EPHB4: variants seen among roughly 807,000 people sequenced by gnomAD.
The protein encoded by EPHB4 is ephrin type-B receptor 4.
A neutral mutation model predicts 110.6 loss-of-function variants in EPHB4; 50 were observed. The observed-to-expected ratio is 0.45, with a 90% CI of 0.36 to 0.57. EPHB4 has a LOEUF of 0.57. Among genes scored for constraint, EPHB4 ranks in the 20% least tolerant of loss-of-function variants. EPHB4 has a pLI of 0.00. For missense variants in EPHB4, 1,128 were observed against 1,382.1 expected (o/e 0.82, Z 2.91); for synonymous variants, 592 against 578.4 (o/e 1.02, Z -0.34).
chr7:100,824,505 C>G (rs1486967374), intron 1 of EPHB4: 5 of 547,274 alleles, frequency 9.1e-6, no homozygotes, highest in Non-Finnish European at 1.6e-5. Flanking sequence ...TTGGGATACC[C>G]CAGATCTAGG....
intron 8 of EPHB4, among the ~76,000 whole-genome samples, chr7:100,815,538 G>A (rs1274451489): frequency 6.6e-6 from 1 of 152,138 alleles, no homozygotes; most frequent in Non-Finnish European, 1.5e-5. Flanking sequence ...TCTTTTGAGG[G>A]TGCTGAAAAT....
Position 100,819,896 on chromosome 7 carries a change from G to T in EPHB4, c.965-7C>A. The T allele has an allele frequency of 1.9e-6, 3 of 1,539,642 alleles. No individual in the cohort carries two copies. The highest frequency in any genetic ancestry group is 1.2e-5 in the South Asian group (1 of 83,714). On this transcript the variant is annotated splice_region_variant and splice_polypyrimidine_tract_variant and intron_variant, in intron 5 of 16. Transcript: ENST00000358173. ...CGCGGAGCCGAAGGAGGGGCTGCAG[G>T]AGACCAGGGAGTCAGGCAGAGGCCG...
At position 100,812,937 on chromosome 7, in the gene EPHB4, C is replaced by T. The variant is rs1297240377; in HGVS notation, c.1928G>A (p.Cys643Tyr). The change falls in exon 12 of 17, where the codon TGT becomes TAT. Residue 643 changes from cysteine to tyrosine, a missense_variant. Coordinates refer to ENST00000358173, the MANE Select transcript of EPHB4 (RefSeq NM_004444.5). Reference protein sequence around the residue: ...RLKAPGKKESCVAIKTLKGGY... With the variant: ...RLKAPGKKESYVAIKTLKGGY... ...ACCCTTCAGGGTCTTGATTGCCACA[C>T]AGCTCTCCTTCTTCCCTGGGGCCTT... 4 of 1,614,110 alleles carry T rather than the reference C, an allele frequency of 2.5e-6. No homozygotes were observed. Among genetic ancestry groups the T allele is most frequent in the Non-Finnish European group, 3.4e-6 (4 of 1,180,054 alleles).
chr7:100,805,067 G>A, intron 16 of EPHB4, 99 bp downstream of exon 16: 1 of 1,420,502 alleles, frequency 7.0e-7, no homozygotes, highest in Admixed American at 2.3e-5. Flanking sequence ...AGACAGCATT[G>A]GCACCCGAAG....
At chr7:100,808,855 C>T (rs998960464) in intron 12 of EPHB4, among the ~76,000 whole-genome samples, 2 of 152,192 alleles carry the variant, frequency 1.3e-5, no homozygotes, top group African/African-American at 4.8e-5. Context: ...CCCTACTCCC[C>T]GCTCAGTTTG....
chr7:100,817,749 C>T lies in EPHB4; in HGVS notation c.1423-392G>A, dbSNP rs113924161. Among the ~76,000 whole-genome samples, 758 of 151,754 alleles carry T rather than the reference C, an allele frequency of 5.0e-3. 3 individuals are homozygous for T. The highest frequency in any genetic ancestry group is 0.017 in the African/African-American group (707 of 41,356). ...TTCACCTTGTTGGCCAGGCTGGTCT[C>T]GAACTCTTCACCCCAGGTGTTCTAC... On this transcript the variant is annotated intron_variant, in intron 7 of 16. Transcript: ENST00000358173.
intron 8 of EPHB4, 148 bp from the exon 9 acceptor site, chr7:100,814,169 C>G: frequency 2.5e-6 from 2 of 800,024 alleles, no homozygotes; most frequent in Non-Finnish European, 3.9e-6. Flanking sequence ...CAGGCAAGGT[C>G]AGGGAACAAA....
Position 100,803,471 on chromosome 7 carries a change from G to C in EPHB4, c.2954C>G (p.Pro985Arg). The change falls in exon 17 of 17, where the codon CCG becomes CGG. Residue 985 changes from proline (P) to arginine (R), a missense_variant. This residue lies in a region of EPHB4 where 209 missense variants were observed against 240.5 expected (regional missense o/e 0.87). Transcript: ENST00000358173. ...GGGAGTTCCTGCAGGTCAGTACTGC[G>C]GGGCCGGTCCTCCTGTCCCACCCGG... ...GTPGGTGGPA[P>R]QY The C allele has an allele frequency of 6.4e-7, 1 of 1,574,058 alleles. No individual in the cohort carries two copies. The highest frequency in any genetic ancestry group is 8.6e-7 in the Non-Finnish European group (1 of 1,156,856).
intron 12 of EPHB4, among the ~76,000 whole-genome samples, chr7:100,807,882 G>A (rs966030663): frequency 1.3e-5 from 2 of 152,066 alleles, no homozygotes; most frequent in African/African-American, 2.4e-5. Flanking sequence ...TTCCGCCTGG[G>A]TCTCCCAAAG....
intron 10 of EPHB4, 61 bp downstream of exon 10, chr7:100,813,591 T>C (rs1812997762): frequency 3.8e-6 from 6 of 1,585,676 alleles, no homozygotes; most frequent in Middle Eastern, 1.7e-4. Context: ...GCTGGGATTA[T>C]AGATAGGAGC....
chr7:100,804,203 T>G (rs314349), intron 16 of EPHB4, among the ~76,000 whole-genome samples: 51,949 of 151,266 alleles, frequency 0.34, 9,213 homozygotes, highest in Middle Eastern at 0.41. Context: ...GTTTTGCTAT[T>G]TTGGCCAGGC....
chr7:100,806,182 ACTC>A (rs1812813951), intron 14 of EPHB4: 2 of 341,952 alleles, frequency 5.8e-6, no homozygotes, highest in Non-Finnish European at 1.0e-5. Flanking sequence ...CTGGTCTTGA[ACTC>A]CTAACCTTAG....
rs2116446928 is a variant in EPHB4, at chr7:100,818,456, G to C, written c.1422+64C>G. 3.2e-6 allele frequency: 5 copies of C among 1,579,710 alleles called. No individual in the cohort carries two copies. The South Asian group carries it at 5.7e-5, about 18-fold the overall frequency. On this transcript the variant is annotated intron_variant, in intron 7 of 16. Coordinates refer to ENST00000358173, the MANE Select transcript of EPHB4 (RefSeq NM_004444.5). ...ATGCCTGCCAGGTGCCTGCAACCCA[G>C]GTGTCCCAGCCAGGAGAGCACAACC...
Position 100,817,266 on chromosome 7 carries a change from A to G in EPHB4, c.1514T>C (p.Val505Ala). The G allele has an allele frequency of 6.2e-7, 1 of 1,606,484 alleles. No homozygotes were observed. The highest frequency in any genetic ancestry group is 8.5e-7 in the Non-Finnish European group (1 of 1,177,338). Residue 505 changes from valine (V) to alanine (A), a missense_variant, in exon 8 of 17, where the codon GTG (valine) becomes GCG (alanine). Val to Ala is a moderately conservative substitution (Grantham distance 64). Around this residue, in one of 3 missense-constraint regions of EPHB4, gnomAD observed 728 missense variants for 828.6 expected, o/e 0.88. Coordinates refer to ENST00000358173, the MANE Select transcript of EPHB4 (RefSeq NM_004444.5). ...GGCCTCAGAGCGCGCCCGTACCTGC[A>G]CCAGGTAGCTGGCTCCCCGCTTCAG... The part of the protein sequence containing the change: ...RGLKRGASYL[V>A]QVRARSEAGY...
At chr7:100,806,683 C>T (rs150013519) in intron 13 of EPHB4, 114 bp from the exon 14 acceptor site, 136 of 1,258,954 alleles carry the variant, frequency 1.1e-4, no homozygotes, top group Middle Eastern at 4.8e-4. Context: ...AGCTCAGGCC[C>T]CAAGCCTCCT....
At chr7:100,815,978 C>A (rs1366063828) in intron 8 of EPHB4, among the ~76,000 whole-genome samples, 3 of 150,132 alleles carry the variant, frequency 2.0e-5, no homozygotes, top group African/African-American at 4.9e-5. Flanking sequence ...ATAAAAAAGA[C>A]CGTGTCTCTT....
At chr7:100,821,083 C>T (rs1315796125) in intron 4 of EPHB4, 2 of 149,810 alleles carry the variant, frequency 1.3e-5, no homozygotes, top group African/African-American at 2.5e-5. Flanking sequence ...GCTGAGATCC[C>T]ACCACTGCAC....
intron 1 of EPHB4, chr7:100,824,517 C>T (rs1281627474): frequency 1.9e-6 from 1 of 524,714 alleles, no homozygotes; most frequent in Non-Finnish European, 3.4e-6. Flanking sequence ...AGATCTAGGC[C>T]TCCCTGGAGG....
intron 15 of EPHB4, 70 bp from the exon 16 acceptor site, chr7:100,805,391 C>T: frequency 6.2e-7 from 1 of 1,600,444 alleles, no homozygotes; most frequent in Non-Finnish European, 8.5e-7. Flanking sequence ...GGAACCCAGC[C>T]TTGCAGAGGC....
Sources: allele counts gnomAD v4.1 joint callset (sites outside exome capture counted in the v4.1 genomes callset), GRCh38; gene constraint gnomAD v4.1.1; regional missense constraint gnomAD v4.1.1; transcripts MANE v1.5; gene names NCBI Gene and HGNC (gene_info 2026-07-23, HGNC 2026-07-21).